Variants in SEC16A observed in about 807,000 individuals in gnomAD.
The protein encoded by SEC16A is protein transport protein Sec16A.
SEC16A carries 110 observed loss-of-function variants against 221.9 expected under a neutral mutation model. The observed-to-expected ratio is 0.50, with a 90% CI of 0.42 to 0.58. The LOEUF (loss-of-function observed/expected upper bound fraction) is 0.58. SEC16A is among the 20% of genes least tolerant of loss of function. The pLI, the probability that SEC16A is intolerant of heterozygous loss-of-function variation, is 0.00. For synonymous variants in SEC16A, 1,393 were observed against 1,257.7 expected, an observed-to-expected ratio of 1.11 and a Z score of -2.28; for missense variants, 3,165 against 3,097.8, an observed-to-expected ratio of 1.02 and a Z score of -0.52.
chr9:136,474,015 G>A (rs1425834789), intron 3 of SEC16A, 34 bp downstream of exon 3: 1 of 1,559,654 alleles, frequency 6.4e-7, no homozygotes, highest in East Asian at 2.3e-5. Flanking sequence ...AGCACAGACA[G>A]AAAAGTGGGT....
chr9:136,475,095 G>C lies in SEC16A; in HGVS notation c.2521C>G (p.Gln841Glu). The C allele has an allele frequency of 1.9e-6, 3 of 1,613,798 alleles. No individual in the cohort carries two copies. The highest frequency in any genetic ancestry group is 2.5e-6 in the Non-Finnish European group (3 of 1,179,816). ...AAGGACACAGAAAAGTTAATGGGCT[G>C]AGCCAGATTATAGCTGTGATCAGGC... ...AQPDHSYNLA[Q>E]PINFSVSLSN... The change falls in exon 3 of 32, where the codon CAG becomes GAG. Residue 841 changes from glutamine to glutamate, a missense_variant. Around this residue, in one of 3 missense-constraint regions of SEC16A, gnomAD observed 2,030 missense variants for 1,923.1 expected, o/e 1.06. Coordinates refer to ENST00000684901, the MANE Select transcript of SEC16A (RefSeq NM_014866.2). This position sits in a 1 kb window ranked among gnomAD's most constrained non-coding sequence, Gnocchi z 5.0.
At position 136,453,472 on chromosome 9, in the gene SEC16A, A is replaced by G. The variant is rs1564471714; in HGVS notation, c.6115T>C (p.Ser2039Pro). 1.2e-6 allele frequency: 2 copies of G among 1,613,492 alleles called. No homozygotes were observed. The highest frequency in any genetic ancestry group is 2.2e-5 in the East Asian group (1 of 44,874). The change falls in exon 22 of 32, where the codon TCC becomes CCC. Residue 2039 changes from serine to proline, a missense_variant. Around this residue, in one of 3 missense-constraint regions of SEC16A, gnomAD observed 1,088 missense variants for 1,089.6 expected, o/e 1.00. Transcript: ENST00000684901. Reference protein sequence around the residue: ...PQEAPVGNSLSELSEENFDGK... With the variant: ...PQEAPVGNSLPELSEENFDGK... The stretch of plus-strand genomic sequence containing the variant: ...TCAAAATTTTCTTCGCTTAGCTCGG[A>G]AAGTGAGTTTCCAACAGGCGCCTCC...
Position 136,447,672 on chromosome 9 carries a change from G to T in SEC16A, c.6456C>A (p.Ala2152=), listed in dbSNP as rs754142443. 4.3e-6 allele frequency: 7 copies of T among 1,609,950 alleles called. No homozygotes were observed. Among genetic ancestry groups the T allele is most frequent in the Non-Finnish European group, 5.9e-6 (7 of 1,176,968 alleles). Residue 2152 remains alanine (A), a synonymous_variant, in exon 26 of 32, where the codon GCC becomes GCA. Coordinates refer to ENST00000684901, the MANE Select transcript of SEC16A (RefSeq NM_014866.2). This position sits in a 1 kb window ranked among gnomAD's most constrained non-coding sequence, Gnocchi z 5.5. ...NLNEPEEEKK[A]PPPPPTSMPK... Reference sequence around the variant, plus strand: ...GCATCGAGGTTGGAGGTGGGGGCGGGGCTTTCTTCTGCAGAGGGAAACACA... The same window carrying T: ...GCATCGAGGTTGGAGGTGGGGGCGGTGCTTTCTTCTGCAGAGGGAAACACA...
chr9:136,468,363 C>T, intron 5 of SEC16A, 52 bp downstream of exon 5: 1 of 1,197,772 alleles, frequency 8.3e-7, no homozygotes, highest in Non-Finnish European at 1.2e-6. Context: ...TCATCAGTGT[C>T]TTTTGCACAA....
Position 136,459,693 on chromosome 9 carries a change from C to T in SEC16A, c.5191+64G>A, listed in dbSNP as rs1222865268. The T allele has an allele frequency of 4.9e-6, 7 of 1,441,454 alleles. No homozygotes were observed. In the Admixed American group the frequency reaches 1.4e-4, roughly 28 times the overall value. The allele number at this position is 1,441,454 out of a possible 1,614,324, so 89.3% of individuals were successfully genotyped here. A position where few individuals can be genotyped will look rare whatever the true frequency, so the allele number is the denominator to read the frequency against. The stretch of plus-strand genomic sequence containing the variant: ...GTTCTGGTGATTTCTGCCAACGCCA[C>T]AGACAACCGGGCCTTCGGCGCTCCA... On this transcript the variant is annotated intron_variant, in intron 15 of 31. Transcript: ENST00000684901. The surrounding 1 kb of genome is among the most constrained non-coding windows in gnomAD (Gnocchi z 6.1).
Position 136,447,624 on chromosome 9 carries a change from C to A in SEC16A, c.6504G>T (p.Pro2168=), listed in dbSNP as rs542807032. 2.4e-5 allele frequency: 38 copies of A among 1,613,748 alleles called. No homozygotes were observed. In the African/African-American group the frequency reaches 4.0e-4, roughly 17 times the overall value. The change falls in exon 26 of 32, where the codon CCG becomes CCT. Residue 2168 remains proline, a synonymous_variant. Coordinates refer to ENST00000684901, the MANE Select transcript of SEC16A (RefSeq NM_014866.2). The surrounding 1 kb of genome is among the most constrained non-coding windows in gnomAD (Gnocchi z 5.5). ...CTCCAGGAGGCCCTGGGAGGGCAGG[C>A]GGGGCAGCTTGCACAGTCTTGGGCA... ...TSMPKTVQAA[P]PALPGPPGAP... is the part of the protein sequence containing the mutation.
chr9:136,481,919 C>T (rs1842418256), intron 1 of SEC16A, among the ~76,000 whole-genome samples: 1 of 152,120 alleles, frequency 6.6e-6, no homozygotes, highest in East Asian at 1.9e-4. Flanking sequence ...ATGAAAGATG[C>T]TTACAGAAGA....
rs1007097529 is a variant in SEC16A at position 136,466,761 on chromosome 9, T to G, written c.3929+196A>C. Among the ~76,000 whole-genome samples the G allele has an allele frequency of 6.6e-6, 1 of 152,200 alleles. No homozygotes were observed. Among genetic ancestry groups the G allele is most frequent in the Non-Finnish European group, 1.5e-5 (1 of 68,022 alleles). ...TGAACAGTCCTCTTGCTGAGGCCAG[T>G]TCTCCTCTAACAGTCCAAGCTGGGA... On this transcript the variant is annotated intron_variant, in intron 6 of 31. Transcript: ENST00000684901. The surrounding 1 kb of genome is among the most constrained non-coding windows in gnomAD (Gnocchi z 5.5).
Position 136,468,492 on chromosome 9 carries a change from T to C in SEC16A, c.3725A>G (p.Tyr1242Cys), listed in dbSNP as rs368615156. ...PPPRQGYPEG[Y>C]YSSKSGWSSQ... Reference sequence around the variant, plus strand: ...GCTCCATCCACTTTTGGAACTATAGTATCCTTCAGGATATCCTTGCCTGAA... The same window carrying C: ...GCTCCATCCACTTTTGGAACTATAGCATCCTTCAGGATATCCTTGCCTGAA... The change falls in exon 5 of 32, where the codon TAC becomes TGC. Residue 1242 changes from tyrosine (Y) to cysteine (C), a missense_variant. Transcript: ENST00000684901. 6.6e-5 allele frequency: 107 copies of C among 1,611,256 alleles called. No homozygotes were observed. The highest frequency in any genetic ancestry group is 8.8e-5 in the Non-Finnish European group (104 of 1,177,616).
In SEC16A at chr9:136,475,977, T is replaced by C. The variant is rs757864363; in HGVS notation, c.1639A>G (p.Ile547Val). Residue 547 changes from isoleucine to valine, a missense_variant, in exon 3 of 32, where the codon ATT (isoleucine) becomes GTT (valine). Physicochemically the swap from Ile to Val is conservative, Grantham distance 29. Coordinates refer to ENST00000684901, the MANE Select transcript of SEC16A (RefSeq NM_014866.2). The surrounding 1 kb of genome is among the most constrained non-coding windows in gnomAD (Gnocchi z 5.0). ...ARPQELVGTF[I>V]QQEVGKPEDE... Reference sequence around the variant, plus strand: ...TCGGGTTTTCCAACTTCTTGCTGAATGAATGTGCCAACCAGCTCCTGGGGC... The same window carrying C: ...TCGGGTTTTCCAACTTCTTGCTGAACGAATGTGCCAACCAGCTCCTGGGGC... 1.2e-6 allele frequency: 2 copies of C among 1,613,486 alleles called. No homozygotes were observed. Among genetic ancestry groups the C allele is most frequent in the East Asian group, 4.5e-5 (2 of 44,886 alleles).
intron 3 of SEC16A, 127 bp downstream of exon 3, chr9:136,473,922 G>T: frequency 9.8e-7 from 1 of 1,016,466 alleles, no homozygotes; most frequent in Non-Finnish European, 1.4e-6. Flanking sequence ...CTGTTCTCAC[G>T]CCTGCGGGAC....
At chr9:136,460,777 G>A (rs571715027) in intron 13 of SEC16A, among the ~76,000 whole-genome samples, 1 of 152,244 alleles carries the variant, frequency 6.6e-6, no homozygotes, top group Non-Finnish European at 1.5e-5. Flanking sequence ...GCTGGGTGTG[G>A]TGGTGGGTGC....
intron 19 of SEC16A, 125 bp downstream of exon 19, chr9:136,455,928 G>C: frequency 8.5e-7 from 1 of 1,179,842 alleles, no homozygotes; most frequent in Non-Finnish European, 1.2e-6. Context: ...GGGAATTAGG[G>C]AATTCTCATA....
At position 136,454,317 on chromosome 9, in the gene SEC16A, C is replaced by G; in HGVS notation, c.5868G>C (p.Thr1956=). The G allele has an allele frequency of 6.3e-7, 1 of 1,575,034 alleles. No individual in the cohort carries two copies. The highest frequency in any genetic ancestry group is 1.2e-5 in the South Asian group (1 of 85,722). The change falls in exon 21 of 32, where the codon ACG becomes ACC. Residue 1956 remains threonine, a synonymous_variant. Transcript: ENST00000684901. The stretch of plus-strand genomic sequence containing the variant: ...GACTGGCCAATGGGCCGTCAGGGAG[C>G]GTCTGCGGAGCTGCATGGGAACGGT... The part of the protein sequence containing the change: ...SVRLLPSAPQ[T]LPDGPLASPA...
At chr9:136,472,374 A>G (rs980745663) in intron 3 of SEC16A, among the ~76,000 whole-genome samples, 1 of 152,236 alleles carries the variant, frequency 6.6e-6, no homozygotes, top group Non-Finnish European at 1.5e-5. Flanking sequence ...CCTAAGACCC[A>G]CAGCCCTGGC....
rs1841827189 is a variant in SEC16A at position 136,477,664 on chromosome 9, A to T, written c.-49T>A. ...TGCTGCTTACAGAAGGAAGCAGGAT[A>T]TAGCTGTTCCTTAATTGGAGCTGGA... is the stretch of plus-strand genomic sequence containing the variant. On this transcript the variant is annotated 5_prime_UTR_variant, in exon 3 of 32. Coordinates refer to ENST00000684901, the MANE Select transcript of SEC16A (RefSeq NM_014866.2). 4.6e-6 allele frequency: 7 copies of T among 1,509,668 alleles called. No individual in the cohort carries two copies. Among genetic ancestry groups the T allele is most frequent in the Non-Finnish European group, 6.2e-6 (7 of 1,133,506 alleles). The allele number at this position is 1,509,668 out of a possible 1,614,324, so 93.5% of individuals were successfully genotyped here.
Position 136,474,049 on chromosome 9 carries a change from C to T in SEC16A, c.3567G>A (p.Gln1189=), listed in dbSNP as rs1200288600. The part of the protein sequence containing the change: ...PEPGAASLYY[Q]DVYSLYEPRY... Reference sequence around the variant, plus strand: ...GTTACACATACGACTCGACTCTTACCTGGTAATAGAGGGAGGCTGCGCCAG... The same window carrying T: ...GTTACACATACGACTCGACTCTTACTTGGTAATAGAGGGAGGCTGCGCCAG... The change falls in exon 3 of 32, where the codon CAG becomes CAA. Residue 1189 remains glutamine, a splice_region_variant and synonymous_variant. Transcript: ENST00000684901. The T allele has an allele frequency of 6.3e-7, 1 of 1,596,916 alleles. No individual in the cohort carries two copies. The highest frequency in any genetic ancestry group is 1.7e-5 in the Admixed American group (1 of 58,610).
At chr9:136,473,058 G>C (rs1263924970) in intron 3 of SEC16A, among the ~76,000 whole-genome samples, 1 of 152,244 alleles carries the variant, frequency 6.6e-6, no homozygotes, top group Non-Finnish European at 1.5e-5. Context: ...CAGGTCTGAG[G>C]GGTCAGGTGT....
chr9:136,463,644 G>A (rs755684796), intron 10 of SEC16A, 35 bp downstream of exon 10: 20 of 1,613,466 alleles, frequency 1.2e-5, no homozygotes, highest in Non-Finnish European at 1.6e-5. Context: ...CTGCAAGGCC[G>A]GGCTCACAAA....
Sources: allele counts gnomAD v4.1 joint callset (sites outside exome capture counted in the v4.1 genomes callset), GRCh38; gene constraint gnomAD v4.1.1; regional missense constraint gnomAD v4.1.1; non-coding constraint Gnocchi (gnomAD v3.1); transcripts MANE v1.5; gene names NCBI Gene and HGNC (gene_info 2026-07-23, HGNC 2026-07-21).